Variants in CCDC77 observed in about 807,000 individuals in gnomAD.
CCDC77 encodes coiled-coil domain containing 77.
A neutral mutation model predicts 66.8 loss-of-function variants in CCDC77; 56 were observed. The ratio of observed to expected loss-of-function variants is 0.84; its 90% CI spans 0.68 to 1.05. The LOEUF (loss-of-function observed/expected upper bound fraction) is 1.05. Ranked by LOEUF, CCDC77 falls within the 50% of genes least tolerant of loss-of-function variation. The pLI, the probability that CCDC77 is intolerant of heterozygous loss-of-function variation, is 0.00. For synonymous variants in CCDC77, 196 were observed against 195.2 expected (o/e 1.00, Z -0.03); for missense variants, 570 against 576.8 (o/e 0.99, Z 0.12).
rs754125267 is a variant in CCDC77, at chr12:411,782, G to A, written c.74G>A (p.Ser25Asn). ...TVVSKRGVAVSGPTKRRGMAD... is the reference protein window; with the variant it reads ...TVVSKRGVAVNGPTKRRGMAD... ...GTCTCCAAACGTGGTGTTGCCGTCA[G>A]TGGTCCCACCAAGAGGAGGGGAATG... Residue 25 changes from serine (S) to asparagine (N), a missense_variant, in exon 4 of 13, where the codon AGT becomes AAT. Physicochemically the swap from Ser to Asn is conservative, Grantham distance 46 (BLOSUM62 1). Transcript: ENST00000239830. 5.6e-6 allele frequency: 9 copies of A among 1,613,924 alleles called. No homozygotes were observed. Among genetic ancestry groups the A allele is most frequent in the East Asian group, 2.2e-5 (1 of 44,892 alleles).
intron 4 of CCDC77, among the ~76,000 whole-genome samples, chr12:415,777 C>T (rs1945243935): frequency 6.6e-6 from 1 of 150,946 alleles, no homozygotes; most frequent in Non-Finnish European, 1.5e-5. Context: ...GGACTACAGG[C>T]ATGTATCACC....
chr12:412,015 G>C, intron 4 of CCDC77, 37 bp downstream of exon 4: 1 of 1,473,644 alleles, frequency 6.8e-7, no homozygotes, highest in South Asian at 1.2e-5. Flanking sequence ...AACTCTGATG[G>C]AGTCTTCATA....
rs116690979 is a variant in CCDC77 at position 412,115 on chromosome 12, C to T, written c.270+137C>T. The T allele has an allele frequency of 1.5e-4, 103 of 674,856 alleles. No individual in the cohort carries two copies. The African/African-American group carries it at 1.8e-3, about 12-fold the overall frequency. 41.8% of individuals were successfully genotyped at this position (674,856 alleles called of 1,614,324 possible). On this transcript the variant is annotated intron_variant, in intron 4 of 12. Coordinates refer to ENST00000239830, the MANE Select transcript of CCDC77 (RefSeq NM_032358.4). Reference sequence around the variant, plus strand: ...TTTTATTCCCCAGCCCAGCTATTGCCCCTTCAGGCCCTCCTTGGATCATAA... The same window carrying T: ...TTTTATTCCCCAGCCCAGCTATTGCTCCTTCAGGCCCTCCTTGGATCATAA...
chr12:402,368 C>A (rs1336402871), intron 1 of CCDC77, among the ~76,000 whole-genome samples: 5 of 152,098 alleles, frequency 3.3e-5, no homozygotes, highest in Admixed American at 3.3e-4. Flanking sequence ...GCACTTAGAT[C>A]ATTTTTGCTA....
chr12:440,850 A>C lies in CCDC77; in HGVS notation c.1174A>C (p.Thr392Pro). 1 of 1,613,572 alleles carries C rather than the reference A, an allele frequency of 6.2e-7. No homozygotes were observed. The highest frequency in any genetic ancestry group is 8.5e-7 in the Non-Finnish European group (1 of 1,180,016). ...TCCCATTCCCCATATTTAGGATCGC[A>C]CTAACAAGATGGGGAAGCGTTTACA... Reference protein sequence around the residue: ...GMRREIFKDRTNKMGKRLQIM... With the variant: ...GMRREIFKDRPNKMGKRLQIM... Residue 392 changes from threonine to proline, a missense_variant, in exon 12 of 13, where the codon ACT becomes CCT. Coordinates refer to ENST00000239830, the MANE Select transcript of CCDC77 (RefSeq NM_032358.4).
intron 4 of CCDC77, among the ~76,000 whole-genome samples, chr12:412,760 C>A (rs144524318): frequency 6.6e-6 from 1 of 152,342 alleles, no homozygotes; most frequent in East Asian, 1.9e-4. Context: ...AACCATTATA[C>A]AGCAGTCTTC....
rs1945655751 is a variant in CCDC77, at chr12:431,741, G to A, written c.584-125G>A. The A allele has an allele frequency of 4.9e-6, 3 of 608,394 alleles. No individual in the cohort carries two copies. The East Asian group carries it at 8.5e-5, about 17-fold the overall frequency. The allele number at this position is 608,394 out of a possible 1,614,324, so 37.7% of individuals were successfully genotyped here. ...GTCTTCCGAATCCCTTCATTAGTGA[G>A]AACCCCTTCATTACCCTTACAGGTA... On this transcript the variant is annotated intron_variant, in intron 7 of 12. Coordinates refer to ENST00000239830, the MANE Select transcript of CCDC77 (RefSeq NM_032358.4).
intron 7 of CCDC77, among the ~76,000 whole-genome samples, chr12:431,008 A>T (rs2137604016): frequency 7.3e-6 from 1 of 136,950 alleles, no homozygotes; most frequent in East Asian, 2.3e-4. Context: ...TGAACCTGGG[A>T]GGCGGAGGTT....
intron 4 of CCDC77, among the ~76,000 whole-genome samples, chr12:417,641 G>A (rs1390697888): frequency 6.6e-6 from 1 of 152,166 alleles, no homozygotes; most frequent in African/African-American, 2.4e-5. Flanking sequence ...TAGGCTAGGT[G>A]TGGTGGCTCA....
intron 6 of CCDC77, 71 bp from the exon 7 acceptor site, chr12:430,593 G>A: frequency 1.8e-6 from 2 of 1,118,592 alleles, no homozygotes; most frequent in Non-Finnish European, 2.7e-6. Context: ...TCAATCTGCA[G>A]AACTAAGGCT....
At chr12:408,657 G>A (rs997299407) in intron 2 of CCDC77, among the ~76,000 whole-genome samples, 28 of 152,108 alleles carry the variant, frequency 1.8e-4, no homozygotes, top group Non-Finnish European at 2.8e-4. Flanking sequence ...ACGGGCCACT[G>A]CACCTCGCTC....
rs140943394 is a variant in CCDC77, at chr12:424,083, A to C, written c.414-4686A>C. 7.5e-3 allele frequency among the ~76,000 whole-genome samples: 1,135 copies of C among 152,038 alleles called. 12 individuals are homozygous for C. Among genetic ancestry groups the C allele is most frequent in the African/African-American group, 0.026 (1,065 of 41,462 alleles). Reference sequence around the variant, plus strand: ...TCTGCTGGGCTCAAGCTGTCCTCCCATGTCAGCCTCCTGAGTAGCTGGGAC... The same window carrying C: ...TCTGCTGGGCTCAAGCTGTCCTCCCCTGTCAGCCTCCTGAGTAGCTGGGAC... On this transcript the variant is annotated intron_variant, in intron 5 of 12. Transcript: ENST00000239830.
chr12:402,046 T>C (rs1944905976), intron 1 of CCDC77, among the ~76,000 whole-genome samples: 1 of 152,140 alleles, frequency 6.6e-6, no homozygotes, highest in South Asian at 2.1e-4. Context: ...TACTGAACGG[T>C]TGTTGGGATA....
At chr12:430,789 A>ACCGCGCC in intron 7 of CCDC77, 53 bp downstream of exon 7, 3 of 1,448,442 alleles carry the variant, frequency 2.1e-6, no homozygotes, top group Non-Finnish European at 2.9e-6. Flanking sequence ...ATTGAAAATC[A>ACCGCGCC]CAGTGCAGGC....
Position 441,078 on chromosome 12 carries a change from G to A in CCDC77, c.1320+82G>A, listed in dbSNP as rs1945850006. The A allele has an allele frequency of 3.5e-6, 5 of 1,445,470 alleles. No homozygotes were observed. In the Admixed American group the frequency reaches 7.1e-5, roughly 21 times the overall value. 89.5% of individuals were successfully genotyped at this position (1,445,470 alleles called of 1,614,324 possible). ...TGGTCACGAGGGCCCCTGAAAAGAA[G>A]GATGTGCTGTTTCCCTGCTGGTAAA... On this transcript the variant is annotated intron_variant, in intron 12 of 12. Transcript: ENST00000239830.
intron 9 of CCDC77, chr12:436,633 C>A: frequency 3.4e-6 from 1 of 291,078 alleles, no homozygotes. Context: ...CTTGACATTT[C>A]AATGGGTTTT....
At position 440,692 on chromosome 12, in the gene CCDC77, G is replaced by T. The variant is rs761443784; in HGVS notation, c.1117G>T (p.Glu373Ter). Reference protein sequence around the residue: ...YQEQCISLEEELARIREEEGM... With the variant: ...YQEQCISLEE ...AGAGCAGTGCATTTCCTTAGAAGAA[G>T]AACTTGCCCGAATTCGTGAGGAAGA... The change falls in exon 11 of 13, where the codon GAA becomes TAA. Residue 373 changes from glutamate (E) to a stop codon, truncating the protein, a stop_gained. Transcript: ENST00000239830. LOFTEE classifies it high-confidence loss of function. 6.2e-7 allele frequency: 1 copy of T among 1,614,034 alleles called. No homozygotes were observed. The highest frequency in any genetic ancestry group is 8.5e-7 in the Non-Finnish European group (1 of 1,180,034).
upstream of CCDC77, among the ~76,000 whole-genome samples, chr12:398,915 C>A (rs923886925): frequency 6.6e-6 from 1 of 151,766 alleles, no homozygotes; most frequent in Non-Finnish European, 1.5e-5. Context: ...CCACTCCTGG[C>A]TAGTTTTTGT....
At position 411,913 on chromosome 12, in the gene CCDC77, T is replaced by C. The variant is rs1167599163; in HGVS notation, c.205T>C (p.Cys69Arg). The C allele has an allele frequency of 3.1e-6, 5 of 1,613,766 alleles. No homozygotes were observed. Among genetic ancestry groups the C allele is most frequent in the East Asian group, 2.2e-5 (1 of 44,858 alleles). The change falls in exon 4 of 13, where the codon TGT (cysteine) becomes CGT (arginine). Residue 69 changes from cysteine to arginine, a missense_variant. Transcript: ENST00000239830. ...ATATTATCAAAAGAAGATGGCTGAG[T>C]GTGAGGCAGAAAATGAGGACTTGCT... ...LEYYQKKMAECEAENEDLLKK... is the reference protein window; with the variant it reads ...LEYYQKKMAEREAENEDLLKK...
Sources: allele counts gnomAD v4.1 joint callset (sites outside exome capture counted in the v4.1 genomes callset), GRCh38; gene constraint gnomAD v4.1.1; transcripts MANE v1.5; gene names NCBI Gene and HGNC (gene_info 2026-07-23, HGNC 2026-07-21).